NECTIN2: variants seen among roughly 807,000 people sequenced by gnomAD.
NECTIN2 encodes the protein nectin cell adhesion molecule 2, also known as nectin-2.
In NECTIN2, 23 loss-of-function variants were observed where a neutral mutation model predicts 56.9. The observed-to-expected ratio is 0.40, with a 90% CI of 0.29 to 0.57. The LOEUF is 0.57. NECTIN2 is among the 20% of genes least tolerant of loss of function. The probability of loss-of-function intolerance (pLI) is 0.38; values close to 1 mark genes in which losing one functional copy is unlikely to be tolerated. For synonymous variants in NECTIN2, 302 were observed against 313.8 expected (o/e 0.96, Z 0.40); for missense variants, 587 against 718.3 (o/e 0.82, Z 2.09).
In NECTIN2 at chr19:44,874,001, C is replaced by A; in HGVS notation, c.861C>A (p.Ser287Arg). The A allele has an allele frequency of 1.2e-6, 2 of 1,613,866 alleles. No individual in the cohort carries two copies. Among genetic ancestry groups the A allele is most frequent in the Non-Finnish European group, 1.7e-6 (2 of 1,179,942 alleles). Reference sequence around the variant, plus strand: ...CCACCCTGAGCTGTGACGTCCGCAGCAACCCAGAGCCCACGGGCTATGACT... The same window carrying A: ...CCACCCTGAGCTGTGACGTCCGCAGAAACCCAGAGCCCACGGGCTATGACT... Reference protein sequence around the residue: ...TDATLSCDVRSNPEPTGYDWS... With the variant: ...TDATLSCDVRRNPEPTGYDWS... Residue 287 changes from serine (S) to arginine (R), a missense_variant, in exon 4 of 9, where the codon AGC becomes AGA. Physicochemically the swap from Ser to Arg is moderately radical, Grantham distance 110. Coordinates refer to ENST00000252483, the MANE Select transcript of NECTIN2 (RefSeq NM_001042724.2). This position sits in a 1 kb window ranked among gnomAD's most constrained non-coding sequence, Gnocchi z 6.3.
chr19:44,882,712 AAAAT>A (rs1398538974), intron 6 of NECTIN2, among the ~76,000 whole-genome samples: 17 of 151,068 alleles, frequency 1.1e-4, no homozygotes, highest in African/African-American at 4.1e-4. Flanking sequence ...AAAAAAAAAA[AAAAT>A]GGCCACGCAG....
chr19:44,886,880 C>T (rs1259582973), intron 8 of NECTIN2, among the ~76,000 whole-genome samples: 1 of 151,766 alleles, frequency 6.6e-6, no homozygotes, highest in Non-Finnish European at 1.5e-5. Context: ...CAACATTTTG[C>T]GTCTACAAAA....
In NECTIN2 at chr19:44,874,088, G is replaced by A. The variant is rs1235737984; in HGVS notation, c.893+55G>A. ...CTGAGGGAGGCGGGGCTGGGGGCCT[G>A]GACTCCTGGATCTAAGGGAGGAGGG... On this transcript the variant is annotated intron_variant, in intron 4 of 8. Transcript: ENST00000252483. This position sits in a 1 kb window ranked among gnomAD's most constrained non-coding sequence, Gnocchi z 6.3. 7.0e-7 allele frequency: 1 copy of A among 1,433,330 alleles called. No individual in the cohort carries two copies. 88.8% of individuals were successfully genotyped at this position (1,433,330 alleles called of 1,614,324 possible). A position where few individuals can be genotyped will look rare whatever the true frequency, so the allele number is the denominator to read the frequency against.
chr19:44,864,411 T>A (rs1477368547), intron 1 of NECTIN2, among the ~76,000 whole-genome samples: 1 of 152,224 alleles, frequency 6.6e-6, no homozygotes, highest in Non-Finnish European at 1.5e-5. Flanking sequence ...CAGGCTGTTC[T>A]TGAACTCCTA....
At chr19:44,884,885 C>G (rs564618957) in intron 6 of NECTIN2, among the ~76,000 whole-genome samples, 3 of 152,234 alleles carry the variant, frequency 2.0e-5, no homozygotes, top group Non-Finnish European at 4.4e-5. Context: ...CAGGAAGGCA[C>G]TTCATTTATT....
chr19:44,879,437 C>T (rs1055077196), intron 5 of NECTIN2, among the ~76,000 whole-genome samples: 3 of 152,036 alleles, frequency 2.0e-5, no homozygotes, highest in Non-Finnish European at 4.4e-5. Flanking sequence ...GGGCTGCTCC[C>T]CACTCCCATT....
At chr19:44,848,480 C>G (rs944818439) in intron 1 of NECTIN2, among the ~76,000 whole-genome samples, 4 of 152,108 alleles carry the variant, frequency 2.6e-5, no homozygotes, top group Non-Finnish European at 5.9e-5. Context: ...TTTCCTCCCT[C>G]GTAAAAAAAC....
At chr19:44,870,582 C>T (rs1969162155) in intron 2 of NECTIN2, among the ~76,000 whole-genome samples, 1 of 152,032 alleles carries the variant, frequency 6.6e-6, no homozygotes, top group African/African-American at 2.4e-5. Flanking sequence ...AAAGAAACGG[C>T]TTTGAGATTT....
chr19:44,878,923 G>A (rs1330359596), intron 5 of NECTIN2: 15 of 1,190,064 alleles, frequency 1.3e-5, no homozygotes, highest in East Asian at 4.0e-5. Flanking sequence ...GTTAATAAAT[G>A]CCTTGGAGGA....
Position 44,874,633 on chromosome 19 carries a change from C to A in NECTIN2, c.1042+155C>A. ...GAGGGGAGATGAGGGTTGGCCTTCC[C>A]CTCGTGGCCTCAGACTGGGGTCTGG... On this transcript the variant is annotated intron_variant, in intron 5 of 8. Transcript: ENST00000252483. The surrounding 1 kb of genome is among the most constrained non-coding windows in gnomAD (Gnocchi z 6.3). 1.1e-6 allele frequency: 1 copy of A among 906,310 alleles called. No individual in the cohort carries two copies. The highest frequency in any genetic ancestry group is 1.6e-5 in the South Asian group (1 of 61,964). The allele number at this position is 906,310 out of a possible 1,614,324, so 56.1% of individuals were successfully genotyped here.
At chr19:44,852,622 C>T (rs1968914312) in intron 1 of NECTIN2, among the ~76,000 whole-genome samples, 1 of 151,778 alleles carries the variant, frequency 6.6e-6, no homozygotes, top group Non-Finnish European at 1.5e-5. Context: ...ATCCTTCTAG[C>T]TGTGCATAGG....
chr19:44,860,010 A>T (rs1450505732), intron 1 of NECTIN2, among the ~76,000 whole-genome samples: 1 of 152,172 alleles, frequency 6.6e-6, no homozygotes, highest in Non-Finnish European at 1.5e-5. Flanking sequence ...CATGTAGTGG[A>T]ATATTATTGA....
intron 1 of NECTIN2, among the ~76,000 whole-genome samples, chr19:44,863,849 A>AAAAAG: frequency 6.6e-6 from 1 of 151,796 alleles, no homozygotes; most frequent in African/African-American, 2.4e-5. Flanking sequence ...CTCAAAAAAA[A>AAAAAG]AAAAGAAACT....
chr19:44,865,363 C>G lies in NECTIN2; in HGVS notation c.181C>G (p.Pro61Ala). ...GCCGTGCCACCTGCTGCCACCTGTT[C>G]CTGGACTGTACATCTCCCTGGTGAC... ...ELPCHLLPPV[P>A]GLYISLVTWQ... Residue 61 changes from proline to alanine, a missense_variant, in exon 2 of 9, where the codon CCT (proline) becomes GCT (alanine). By Grantham distance (27) the Pro-to-Ala change is conservative. Coordinates refer to ENST00000252483, the MANE Select transcript of NECTIN2 (RefSeq NM_001042724.2). This position sits in a 1 kb window ranked among gnomAD's most constrained non-coding sequence, Gnocchi z 5.2. 2 of 1,614,176 alleles carry G rather than the reference C, an allele frequency of 1.2e-6. No homozygotes were observed. Among genetic ancestry groups the G allele is most frequent in the Non-Finnish European group, 1.7e-6 (2 of 1,180,044 alleles).
rs1167569366 is a variant in NECTIN2 at position 44,874,547 on chromosome 19, T to C, written c.1042+69T>C. On this transcript the variant is annotated intron_variant, in intron 5 of 8. Transcript: ENST00000252483. The surrounding 1 kb of genome is among the most constrained non-coding windows in gnomAD (Gnocchi z 6.3). ...CCCCTGGAGTTCTGCCCTTCAGGAC[T>C]TGGGGCTGCACTGGGGGAGGCTGCG... 1 of 1,584,306 alleles carries C rather than the reference T, an allele frequency of 6.3e-7. No individual in the cohort carries two copies. The highest frequency in any genetic ancestry group is 8.6e-7 in the Non-Finnish European group (1 of 1,165,440).
At position 44,872,161 on chromosome 19, in the gene NECTIN2, G is replaced by A. The variant is rs111634558; in HGVS notation, c.775+12G>A. 4.0e-4 allele frequency: 638 copies of A among 1,606,444 alleles called. 2 individuals are homozygous for A. The African/African-American group carries it at 7.4e-3, about 19-fold the overall frequency. ...CCTCTCTGTACGCTGTGAGTGTATC[G>A]GGGGTGACCCCTCCCCCATCAAAAC... is the stretch of plus-strand genomic sequence containing the variant. On this transcript the variant is annotated intron_variant, in intron 3 of 8. Transcript: ENST00000252483.
intron 1 of NECTIN2, among the ~76,000 whole-genome samples, chr19:44,855,807 G>A (rs1486369623): frequency 6.6e-6 from 1 of 152,174 alleles, no homozygotes; most frequent in African/African-American, 2.4e-5. Flanking sequence ...TAGGTGCTGG[G>A]GATACAGTAG....
In NECTIN2 at chr19:44,873,976, C is replaced by T; in HGVS notation, c.836C>T (p.Ala279Val). The T allele has an allele frequency of 3.1e-6, 5 of 1,614,092 alleles. No individual in the cohort carries two copies. Among genetic ancestry groups the T allele is most frequent in the Non-Finnish European group, 4.2e-6 (5 of 1,180,006 alleles). ...AACTGGTACCTCGGCCGTACTGATGCCACCCTGAGCTGTGACGTCCGCAGC... is the reference window on the plus strand; with the variant it reads ...AACTGGTACCTCGGCCGTACTGATGTCACCCTGAGCTGTGACGTCCGCAGC... Reference protein sequence around the residue: ...DDNWYLGRTDATLSCDVRSNP... With the variant: ...DDNWYLGRTDVTLSCDVRSNP... Residue 279 changes from alanine to valine, a missense_variant, in exon 4 of 9, where the codon GCC becomes GTC. Ala to Val is a moderately conservative substitution (Grantham distance 64). Coordinates refer to ENST00000252483, the MANE Select transcript of NECTIN2 (RefSeq NM_001042724.2).
chr19:44,886,537 A>G (rs1298001472), intron 8 of NECTIN2, among the ~76,000 whole-genome samples: 1 of 152,074 alleles, frequency 6.6e-6, no homozygotes, highest in African/African-American at 2.4e-5. Context: ...CCTGTGCAAC[A>G]TGGTGAAACC....
Sources: allele counts gnomAD v4.1 joint callset (sites outside exome capture counted in the v4.1 genomes callset), GRCh38; gene constraint gnomAD v4.1.1; non-coding constraint Gnocchi (gnomAD v3.1); transcripts MANE v1.5; gene names NCBI Gene and HGNC (gene_info 2026-07-23, HGNC 2026-07-21).